The following GNAQ variants were observed in gnomAD, a reference collection of about 807,000 sequenced individuals.
GNAQ encodes the protein G protein subunit alpha q, also known as guanine nucleotide-binding protein G(q) subunit alpha.
Under a neutral mutation model 43.9 loss-of-function variants are expected in GNAQ, and 8 were observed. The observed-to-expected ratio is 0.18, with a 90% CI of 0.11 to 0.33. The LOEUF (loss-of-function observed/expected upper bound fraction) is 0.33, where lower values mean the gene tolerates loss of function less well. GNAQ is among the 10% of genes least tolerant of loss of function. GNAQ has a pLI of 1.00. For synonymous variants in GNAQ, 155 were observed against 170.7 expected, an observed-to-expected ratio of 0.91 and a Z score of 0.71; for missense variants, 158 against 450.8, an observed-to-expected ratio of 0.35 and a Z score of 5.88.
chr9:77,791,098 C>T (rs1321310451), intron 5 of GNAQ, among the ~76,000 whole-genome samples: 1 of 152,130 alleles, frequency 6.6e-6, no homozygotes, highest in East Asian at 1.9e-4. Context: ...AAAATGATAA[C>T]ATAATTCCTC....
rs1477733985 is a variant in GNAQ, at chr9:77,890,296, AT to A, written c.321+31864del. ...AGTTTGACTGAAAGACTTCATAATA[AT>A]TTATCGAAGCCATCTGGCATTACTT... On this transcript the variant is annotated intron_variant, in intron 2 of 6. Coordinates refer to ENST00000286548, the MANE Select transcript of GNAQ (RefSeq NM_002072.5). 2.0e-5 allele frequency among the ~76,000 whole-genome samples: 3 copies of A among 152,194 alleles called. No individual in the cohort carries two copies. The East Asian group carries it at 5.8e-4, about 29-fold the overall frequency.
At chr9:77,816,829 T>C (rs1462386793) in intron 2 of GNAQ, among the ~76,000 whole-genome samples, 1 of 152,206 alleles carries the variant, frequency 6.6e-6, no homozygotes, top group Non-Finnish European at 1.5e-5. Context: ...AGATAGAATT[T>C]TAATAAATGT....
intron 1 of GNAQ, among the ~76,000 whole-genome samples, chr9:77,984,149 G>A (rs556439350): frequency 9.5e-5 from 14 of 147,532 alleles, no homozygotes; most frequent in Admixed American, 4.1e-4. Flanking sequence ...GTTGAAGTAC[G>A]TAGATTTCTG....
intron 1 of GNAQ, among the ~76,000 whole-genome samples, chr9:78,015,831 A>G (rs1446736068): frequency 2.6e-5 from 4 of 152,184 alleles, no homozygotes; most frequent in Non-Finnish European, 4.4e-5. Flanking sequence ...ACATAGGGAC[A>G]TGTAATAAAA....
At chr9:77,831,402 G>A (rs1044229520) in intron 2 of GNAQ, among the ~76,000 whole-genome samples, 2 of 152,110 alleles carry the variant, frequency 1.3e-5, no homozygotes, top group African/African-American at 2.4e-5. Context: ...CCAAAATCAG[G>A]AGGATCAATT....
chr9:77,753,286 C>G (rs894455123), intron 5 of GNAQ, among the ~76,000 whole-genome samples: 2 of 151,426 alleles, frequency 1.3e-5, no homozygotes, highest in Non-Finnish European at 2.9e-5. Context: ...CGCGTGCGCA[C>G]GCGCACACAC....
chr9:77,907,029 T>A (rs922548367), intron 2 of GNAQ, among the ~76,000 whole-genome samples: 4 of 152,236 alleles, frequency 2.6e-5, no homozygotes, highest in Non-Finnish European at 5.9e-5. Context: ...TATCTTTATA[T>A]TTATAAAATG....
intron 2 of GNAQ, among the ~76,000 whole-genome samples, chr9:77,867,245 C>G (rs1315901030): frequency 6.6e-6 from 1 of 152,168 alleles, no homozygotes; most frequent in African/African-American, 2.4e-5. Flanking sequence ...AGCCAATCAA[C>G]AGAGGACTTT....
intron 2 of GNAQ, among the ~76,000 whole-genome samples, chr9:77,917,303 G>A (rs1828924209): frequency 6.6e-6 from 1 of 151,832 alleles, no homozygotes; most frequent in Non-Finnish European, 1.5e-5. Flanking sequence ...TTTTAATTAA[G>A]AGCTGATTTC....
intron 1 of GNAQ, among the ~76,000 whole-genome samples, chr9:77,928,317 A>G (rs545245686): frequency 1.6e-4 from 25 of 152,276 alleles, no homozygotes; most frequent in African/African-American, 5.8e-4. Context: ...ACAATTAACC[A>G]TTTGTCCCCA....
chr9:77,850,496 T>G (rs1437463014), intron 2 of GNAQ, among the ~76,000 whole-genome samples: 1 of 152,152 alleles, frequency 6.6e-6, no homozygotes, highest in East Asian at 1.9e-4. Context: ...TTCCAGTCCG[T>G]TCTCCACAGT....
intron 2 of GNAQ, among the ~76,000 whole-genome samples, chr9:77,849,960 T>C (rs1253349542): frequency 2.0e-5 from 3 of 152,186 alleles, no homozygotes; most frequent in African/African-American, 4.8e-5. Flanking sequence ...TATTTGATAA[T>C]GCTGTACTGA....
chr9:77,898,559 T>C (rs1021958381), intron 2 of GNAQ, among the ~76,000 whole-genome samples: 1 of 152,186 alleles, frequency 6.6e-6, no homozygotes, highest in Admixed American at 6.5e-5. Context: ...GCACAATGCA[T>C]GGCATATGGG....
chr9:77,804,003 A>G (rs984147649), intron 3 of GNAQ, among the ~76,000 whole-genome samples: 1 of 152,220 alleles, frequency 6.6e-6, no homozygotes, highest in Non-Finnish European at 1.5e-5. Context: ...AGAAGCTTCA[A>G]CTTCTCTAAA....
intron 1 of GNAQ, among the ~76,000 whole-genome samples, chr9:77,972,143 AT>A (rs1272274964): frequency 2.0e-5 from 3 of 152,200 alleles, no homozygotes; most frequent in Non-Finnish European, 1.5e-5. Flanking sequence ...TCTAGCCAAA[AT>A]AATAACAATT....
intron 1 of GNAQ, among the ~76,000 whole-genome samples, chr9:78,027,042 T>C (rs1327498651): frequency 1.3e-5 from 2 of 152,130 alleles, no homozygotes; most frequent in South Asian, 2.1e-4. Flanking sequence ...TAAAAAGTAA[T>C]AAAAATATAG....
chr9:77,817,328 C>T (rs931738590), intron 2 of GNAQ, among the ~76,000 whole-genome samples: 7 of 151,954 alleles, frequency 4.6e-5, no homozygotes, highest in South Asian at 2.1e-4. Context: ...GGCTCAACAC[C>T]GCATAATCAG....
At chr9:77,740,950 A>C (rs559949811) in intron 5 of GNAQ, among the ~76,000 whole-genome samples, 43 of 152,202 alleles carry the variant, frequency 2.8e-4, no homozygotes, top group Non-Finnish European at 4.9e-4. Flanking sequence ...TGTACCAGGA[A>C]AGCACCTCTA....
intron 1 of GNAQ, among the ~76,000 whole-genome samples, chr9:77,934,733 T>C (rs948839742): frequency 1.3e-5 from 2 of 152,202 alleles, no homozygotes; most frequent in Non-Finnish European, 2.9e-5. Context: ...GAAAGTATCA[T>C]GGAAAACAAA....
Sources: allele counts gnomAD v4.1 joint callset (sites outside exome capture counted in the v4.1 genomes callset), GRCh38; gene constraint gnomAD v4.1.1; transcripts MANE v1.5; gene names NCBI Gene and HGNC (gene_info 2026-07-23, HGNC 2026-07-21).